KHDRBS2: variants seen among roughly 807,000 people sequenced by gnomAD.
The protein encoded by KHDRBS2 is KH RNA binding domain containing, signal transduction associated 2.
In KHDRBS2, 26 loss-of-function variants were observed where a neutral mutation model predicts 44.3. The observed-to-expected ratio is 0.59, with a 90% confidence interval of 0.43 to 0.81. The LOEUF (loss-of-function observed/expected upper bound fraction) is 0.81, where lower values mean the gene tolerates loss of function less well. Ranked by LOEUF, KHDRBS2 falls within the 40% of genes least tolerant of loss-of-function variation. KHDRBS2 has a pLI of 0.00. For synonymous variants in KHDRBS2, 194 were observed against 151.1 expected (o/e 1.28, Z -2.08); for missense variants, 476 against 433.1 (o/e 1.10, Z -0.88).
intron 1 of KHDRBS2, among the ~76,000 whole-genome samples, chr6:62,245,549 T>A (rs929263583): frequency 1.5e-3 from 228 of 152,256 alleles, no homozygotes; most frequent in African/African-American, 5.2e-3. Flanking sequence ...GCCAGGATCA[T>A]CCCAAACAAT....
intron 2 of KHDRBS2, among the ~76,000 whole-genome samples, chr6:62,131,277 C>G (rs577852582): frequency 6.7e-4 from 102 of 152,306 alleles, no homozygotes; most frequent in Admixed American, 1.9e-3. Context: ...TTAGCTTTCT[C>G]ATTTGTTAAG....
chr6:61,972,809 G>A (rs1366160122), intron 4 of KHDRBS2, among the ~76,000 whole-genome samples: 1 of 152,064 alleles, frequency 6.6e-6, no homozygotes, highest in Non-Finnish European at 1.5e-5. Flanking sequence ...TGGCTGGTGG[G>A]GTTTAGTTGA....
rs1200410250 is a variant in KHDRBS2 at position 62,159,958 on chromosome 6, C to G, written c.219+17227G>C. Among the ~76,000 whole-genome samples the G allele has an allele frequency of 2.6e-5, 4 of 152,068 alleles. No homozygotes were observed. In the East Asian group the frequency reaches 7.7e-4, roughly 29 times the overall value. ...TGGCAGAGGTGAAAGAAAATCCATG[C>G]AAAAGTGGGCCCAGTAGTTCCAACT... On this transcript the variant is annotated intron_variant, in intron 2 of 8. Transcript: ENST00000281156.
chr6:61,987,858 G>A (rs2127241632), intron 3 of KHDRBS2, among the ~76,000 whole-genome samples: 1 of 152,228 alleles, frequency 6.6e-6, no homozygotes, highest in African/African-American at 2.4e-5. Flanking sequence ...AATTAAATGT[G>A]GCAAGAATTC....
chr6:62,048,603 T>C (rs1398913646), intron 2 of KHDRBS2, among the ~76,000 whole-genome samples: 2 of 151,886 alleles, frequency 1.3e-5, no homozygotes, highest in African/African-American at 4.8e-5. Flanking sequence ...AAATAAAAGA[T>C]ATGAGCACAT....
At chr6:61,958,726 A>G (rs1221129189) in intron 4 of KHDRBS2, among the ~76,000 whole-genome samples, 1 of 152,052 alleles carries the variant, frequency 6.6e-6, no homozygotes, top group Non-Finnish European at 1.5e-5. Flanking sequence ...AAAATACTCT[A>G]TTTCACCTAA....
At chr6:62,043,482 A>G (rs1786996491) in intron 3 of KHDRBS2, among the ~76,000 whole-genome samples, 1 of 152,068 alleles carries the variant, frequency 6.6e-6, no homozygotes. Flanking sequence ...TCTTCTCACA[A>G]TTTAAAATGT....
intron 2 of KHDRBS2, among the ~76,000 whole-genome samples, chr6:62,064,993 A>G (rs1177388659): frequency 3.3e-5 from 5 of 152,176 alleles, no homozygotes; most frequent in African/African-American, 1.2e-4. Context: ...ACACTTCTCA[A>G]AAGAAGACAT....
At chr6:62,069,845 A>C (rs956023068) in intron 2 of KHDRBS2, among the ~76,000 whole-genome samples, 1 of 151,774 alleles carries the variant, frequency 6.6e-6, no homozygotes, top group Non-Finnish European at 1.5e-5. Context: ...TGTTTATGTG[A>C]GTAAATTTTA....
chr6:61,908,236 G>C (rs1243268974), intron 4 of KHDRBS2, among the ~76,000 whole-genome samples: 1 of 152,024 alleles, frequency 6.6e-6, no homozygotes, highest in Non-Finnish European at 1.5e-5. Context: ...ATTTACCTAA[G>C]TATGTGAATA....
chr6:61,660,192 G>A, the KHDRBS2 span, among the ~76,000 whole-genome samples: 1 of 151,760 alleles, frequency 6.6e-6, no homozygotes, highest in Non-Finnish European at 1.5e-5. Context: ...GAATTCCAAA[G>A]AGAGTGTTAT....
rs188457640 is a variant in KHDRBS2 at position 61,875,889 on chromosome 6, C to T, written c.810+18746G>A. On this transcript the variant is annotated intron_variant, in intron 6 of 8. Transcript: ENST00000281156. ...TTATTTATTAAATTATTATTTTATA[C>T]TCTTTTTTGTCATTTTCTGTATGAC... is the stretch of plus-strand genomic sequence containing the variant. Among the ~76,000 whole-genome samples, 678 of 151,914 alleles carry T rather than the reference C, an allele frequency of 4.5e-3. 4 individuals carry two copies. The highest frequency in any genetic ancestry group is 0.037 in the Middle Eastern group (11 of 294).
At chr6:61,926,294 A>G (rs189571944) in intron 4 of KHDRBS2, among the ~76,000 whole-genome samples, 3 of 152,304 alleles carry the variant, frequency 2.0e-5, no homozygotes, top group Admixed American at 1.3e-4. Context: ...TGAGCTTAGA[A>G]GGGAAAGGGA....
At chr6:62,197,498 C>T (rs776806713) in intron 1 of KHDRBS2, among the ~76,000 whole-genome samples, 7 of 151,982 alleles carry the variant, frequency 4.6e-5, no homozygotes, top group Non-Finnish European at 7.4e-5. Context: ...AGGAGTTTAC[C>T]GTTCTTATAA....
intron 6 of KHDRBS2, among the ~76,000 whole-genome samples, chr6:61,801,960 G>C (rs1045358573): frequency 1.8e-4 from 28 of 152,042 alleles, no homozygotes; most frequent in African/African-American, 6.3e-4. Flanking sequence ...TTTAAATCTG[G>C]GTCAGAGACA....
intron 2 of KHDRBS2, among the ~76,000 whole-genome samples, chr6:62,137,519 C>T (rs1356877170): frequency 6.6e-6 from 1 of 152,114 alleles, no homozygotes; most frequent in Non-Finnish European, 1.5e-5. Flanking sequence ...AATCAAAAAG[C>T]ATTGCAAGAT....
chr6:61,640,216 T>C, the KHDRBS2 span, among the ~76,000 whole-genome samples: 2 of 152,260 alleles, frequency 1.3e-5, no homozygotes, highest in East Asian at 3.9e-4. Context: ...GCATTTGCCA[T>C]AATGTTGATA....
chr6:61,822,510 C>A (rs969902519), intron 6 of KHDRBS2, among the ~76,000 whole-genome samples: 4 of 151,946 alleles, frequency 2.6e-5, no homozygotes, highest in African/African-American at 9.7e-5. Flanking sequence ...CCTTTTCAAT[C>A]TTCTACTCTT....
chr6:61,744,081 T>C (rs1776544735), intron 6 of KHDRBS2, among the ~76,000 whole-genome samples: 1 of 152,056 alleles, frequency 6.6e-6, no homozygotes, highest in Non-Finnish European at 1.5e-5. Flanking sequence ...ATAGTGCCGC[T>C]ATAAGCAGTT....
Sources: allele counts gnomAD v4.1 joint callset (sites outside exome capture counted in the v4.1 genomes callset), GRCh38; gene constraint gnomAD v4.1.1; transcripts MANE v1.5; gene names NCBI Gene and HGNC (gene_info 2026-07-23, HGNC 2026-07-21).